Variants in HLCS observed in about 807,000 individuals in gnomAD.
The protein encoded by HLCS is biotin--protein ligase.
Under a neutral mutation model 75.0 loss-of-function variants are expected in HLCS, and 53 were observed. The observed-to-expected ratio is 0.71, with a 90% CI of 0.57 to 0.89. The LOEUF is 0.89. HLCS is among the 40% of genes least tolerant of loss of function. The pLI is 0.00. For missense variants in HLCS, 966 were observed against 1,074.0 expected (o/e 0.90, Z 1.41); for synonymous variants, 431 against 428.6 (o/e 1.01, Z -0.07).
intron 5 of HLCS, among the ~76,000 whole-genome samples, chr21:36,929,522 A>G (rs1569205653): frequency 6.6e-6 from 1 of 152,196 alleles, no homozygotes; most frequent in Non-Finnish European, 1.5e-5. Context: ...TTGTTTCAAG[A>G]GAAAGTAGGT....
chr21:36,954,750 AC>A (rs907594983), intron 2 of HLCS, among the ~76,000 whole-genome samples: 2 of 148,782 alleles, frequency 1.3e-5, no homozygotes, highest in African/African-American at 5.0e-5. Flanking sequence ...TATTAAAAAA[AC>A]AAAACAAAAC....
At chr21:36,890,177 T>C (rs570189489) in intron 6 of HLCS, among the ~76,000 whole-genome samples, 5 of 152,360 alleles carry the variant, frequency 3.3e-5, no homozygotes, top group South Asian at 4.1e-4. Flanking sequence ...CGTGCTGAAC[T>C]GTGAGTCAGT....
chr21:36,841,930 C>T (rs1026152505), intron 6 of HLCS, among the ~76,000 whole-genome samples: 17 of 152,218 alleles, frequency 1.1e-4, no homozygotes, highest in African/African-American at 2.9e-4. Flanking sequence ...TAGGTAGGAC[C>T]CACTAAGGCT....
chr21:36,888,469 T>A (rs868695757), intron 6 of HLCS, among the ~76,000 whole-genome samples: 4,031 of 101,024 alleles, frequency 0.04, 324 homozygotes, highest in South Asian at 0.071. Flanking sequence ...TATATATATA[T>A]ATATATATAT....
intron 4 of HLCS, 60 bp downstream of exon 4, chr21:36,936,389 T>C: frequency 1.4e-6 from 2 of 1,404,438 alleles, no homozygotes; most frequent in South Asian, 2.3e-5. Context: ...AAAGACATAT[T>C]CCCTCGCAAA....
intron 4 of HLCS, among the ~76,000 whole-genome samples, chr21:36,934,787 C>T (rs1353553972): frequency 6.6e-6 from 1 of 152,064 alleles, no homozygotes; most frequent in Non-Finnish European, 1.5e-5. Flanking sequence ...AAAGAGGAAA[C>T]TAACCAGCCT....
rs141393401 is a variant in HLCS, at chr21:36,845,193, G to A, written c.1892+51667C>T. 4.1e-4 allele frequency among the ~76,000 whole-genome samples: 62 copies of A among 152,162 alleles called. 1 individual carries two copies. The East Asian group carries it at 9.1e-3, about 22-fold the overall frequency. ...AGTCACTGCACACCTTTTGCCTCAC[G>A]ATGACTCATTTTCCTTCCCTCCCCT... On this transcript the variant is annotated intron_variant, in intron 6 of 10. Transcript: ENST00000674895.
chr21:36,862,971 G>A (rs7278053), intron 6 of HLCS, among the ~76,000 whole-genome samples: 44,648 of 148,120 alleles, frequency 0.3, 7,807 homozygotes, highest in African/African-American at 0.49. Context: ...TTAAAGCGAC[G>A]GGGTCTCATT....
At chr21:36,947,929 C>T (rs962906735) in intron 2 of HLCS, 28 of 985,150 alleles carry the variant, frequency 2.8e-5, no homozygotes, top group African/African-American at 5.2e-5. Context: ...CTTAATTCAA[C>T]GTGAAATTGT....
chr21:36,980,515 C>G (rs1443563319), intron 1 of HLCS: 2 of 152,236 alleles, frequency 1.3e-5, no homozygotes, highest in African/African-American at 4.8e-5. Context: ...AGGCAGGAAA[C>G]CCGAGCCGTG....
rs140302029 is a variant in HLCS at position 36,831,234 on chromosome 21, T to A, written c.1893-63949A>T. On this transcript the variant is annotated intron_variant, in intron 6 of 10. Transcript: ENST00000674895. Reference sequence around the variant, plus strand: ...GATGTAGGGTTCTCCTGATTACAATTAACTCTCTCATATGGCTAAATAAGG... The same window carrying A: ...GATGTAGGGTTCTCCTGATTACAATAAACTCTCTCATATGGCTAAATAAGG... 7.9e-3 allele frequency among the ~76,000 whole-genome samples: 1,201 copies of A among 152,350 alleles called. 5 individuals carry two copies. Among genetic ancestry groups the A allele is most frequent in the South Asian group, 0.013 (61 of 4,832 alleles).
intron 2 of HLCS, among the ~76,000 whole-genome samples, chr21:36,942,398 C>CAAAAAAAAAAA (rs55999516): frequency 5.8e-4 from 47 of 80,930 alleles, no homozygotes; most frequent in African/African-American, 2.2e-3. Context: ...GACTCCGTCT[C>CAAAAAAAAAAA]AAAAAAAAAA....
chr21:36,834,384 T>C (rs1256196211), intron 6 of HLCS, among the ~76,000 whole-genome samples: 1 of 152,160 alleles, frequency 6.6e-6, no homozygotes, highest in Non-Finnish European at 1.5e-5. Context: ...CATGAGCATG[T>C]CCAAGTGTGA....
chr21:36,956,759 A>G (rs1431942661), intron 2 of HLCS, among the ~76,000 whole-genome samples: 1 of 151,930 alleles, frequency 6.6e-6, no homozygotes, highest in African/African-American at 2.4e-5. Flanking sequence ...AAAAATAAAT[A>G]AAAGTCCAAG....
intron 8 of HLCS, among the ~76,000 whole-genome samples, chr21:36,762,724 C>T (rs1568971694): frequency 1.3e-5 from 2 of 152,222 alleles, no homozygotes. Context: ...AGGGAAAGAA[C>T]ATTGGTACAA....
intron 6 of HLCS, chr21:36,896,505 A>C (rs2065016747): frequency 2.9e-6 from 1 of 345,366 alleles, no homozygotes; most frequent in Non-Finnish European, 5.5e-6. Context: ...TAAATGTCTA[A>C]CACTGATTGT....
At chr21:36,782,251 T>C (rs1411770858) in intron 6 of HLCS, among the ~76,000 whole-genome samples, 3 of 151,660 alleles carry the variant, frequency 2.0e-5, no homozygotes, top group Non-Finnish European at 2.9e-5. Context: ...TGAGGAAGAC[T>C]AAAAAAAAAT....
intron 5 of HLCS, among the ~76,000 whole-genome samples, chr21:36,921,863 T>C (rs1000384048): frequency 2.0e-5 from 3 of 151,954 alleles, no homozygotes; most frequent in Non-Finnish European, 4.4e-5. Flanking sequence ...TTACCAGAAA[T>C]CTCCAGACCC....
At chr21:36,982,613 A>G (rs1338257165) in intron 1 of HLCS, among the ~76,000 whole-genome samples, 1 of 152,246 alleles carries the variant, frequency 6.6e-6, no homozygotes, top group Non-Finnish European at 1.5e-5. Context: ...TTAGTCAAGA[A>G]AATCTCCTAG....
Sources: gnomAD v4.1 joint callset for allele counts (sites outside exome capture counted in the v4.1 genomes callset) on GRCh38, gnomAD v4.1.1 for gene constraint, MANE v1.5 for transcripts, NCBI Gene and HGNC (gene_info 2026-07-23, HGNC 2026-07-21) for gene names.